RABGAP1: variants seen among roughly 807,000 people sequenced by gnomAD.
The protein encoded by RABGAP1 is RAB GTPase activating protein 1, also known as rab GTPase-activating protein 1.
In RABGAP1, 23 loss-of-function variants were observed where a neutral mutation model predicts 137.6. That is an observed-to-expected ratio of 0.17 (90% CI 0.12 to 0.24). The LOEUF (loss-of-function observed/expected upper bound fraction) is 0.24, where lower values mean the gene tolerates loss of function less well. Among genes scored for constraint, RABGAP1 ranks in the 10% least tolerant of loss-of-function variants. RABGAP1 has a pLI of 1.00. For synonymous variants in RABGAP1, 451 were observed against 450.7 expected, an observed-to-expected ratio of 1.00 and a Z score of -0.01; for missense variants, 906 against 1,275.8, an observed-to-expected ratio of 0.71 and a Z score of 4.42.
intron 1 of RABGAP1, among the ~76,000 whole-genome samples, chr9:122,954,949 A>G (rs1466453585): frequency 1.3e-5 from 2 of 152,236 alleles, no homozygotes; most frequent in Admixed American, 6.5e-5. Context: ...ATTAAATTAT[A>G]AAACAACATA....
At chr9:123,036,142 C>A (rs2132001092) in intron 13 of RABGAP1, among the ~76,000 whole-genome samples, 1 of 152,312 alleles carries the variant, frequency 6.6e-6, no homozygotes, top group African/African-American at 2.4e-5. Context: ...TCAACACTGT[C>A]ATTTAGAAAG....
At chr9:122,961,002 A>T (rs983228819) in intron 2 of RABGAP1, among the ~76,000 whole-genome samples, 2 of 152,152 alleles carry the variant, frequency 1.3e-5, no homozygotes, top group Admixed American at 6.5e-5. Context: ...ACAATGTAGA[A>T]AAAAACAGGC....
At chr9:123,089,665 C>T in intron 19 of RABGAP1, 93 bp from the exon 20 acceptor site, 1 of 940,644 alleles carries the variant, frequency 1.1e-6, no homozygotes, top group Non-Finnish European at 1.6e-6. Context: ...CTGAGATTGC[C>T]CAGGCCACCA....
intron 13 of RABGAP1, among the ~76,000 whole-genome samples, chr9:123,028,994 TAGAA>T (rs2032145742): frequency 6.6e-6 from 1 of 152,230 alleles, no homozygotes; most frequent in Admixed American, 6.5e-5. Flanking sequence ...TTATCAGGCT[TAGAA>T]AGATCACTCT....
At chr9:122,967,034 A>G (rs1835196031) in intron 2 of RABGAP1, among the ~76,000 whole-genome samples, 1 of 152,120 alleles carries the variant, frequency 6.6e-6, no homozygotes, top group Non-Finnish European at 1.5e-5. Context: ...TACAATTCAA[A>G]ATGAGATTTG....
chr9:123,019,030 G>A (rs927909580), intron 12 of RABGAP1, among the ~76,000 whole-genome samples: 2 of 152,246 alleles, frequency 1.3e-5, no homozygotes, highest in East Asian at 1.9e-4. Context: ...AAAACTAGAG[G>A]TACTACCATC....
intron 12 of RABGAP1, among the ~76,000 whole-genome samples, chr9:123,018,916 A>G (rs1049071553): frequency 7.2e-5 from 11 of 152,220 alleles, no homozygotes; most frequent in Non-Finnish European, 1.5e-4. Context: ...GTGGCTCTCA[A>G]GTCACAAACC....
chr9:123,023,050 A>G (rs2031743169), intron 13 of RABGAP1, among the ~76,000 whole-genome samples: 1 of 152,202 alleles, frequency 6.6e-6, no homozygotes, highest in Admixed American at 6.5e-5. Context: ...GGTGACCACT[A>G]TCAAGAGCAA....
At chr9:123,018,481 A>G (rs1270474573) in intron 12 of RABGAP1, among the ~76,000 whole-genome samples, 2 of 152,358 alleles carry the variant, frequency 1.3e-5, no homozygotes, top group Non-Finnish European at 2.9e-5. Flanking sequence ...TGCAGAAGCT[A>G]TCATACACAA....
chr9:123,035,444 C>G (rs1588307992), intron 13 of RABGAP1: 1 of 1,614,164 alleles, frequency 6.2e-7, no homozygotes, highest in East Asian at 2.2e-5. Context: ...ACCTGGCTTG[C>G]TATTAGTAAC....
chr9:123,047,374 C>T (rs2033252419), intron 13 of RABGAP1, among the ~76,000 whole-genome samples: 1 of 152,084 alleles, frequency 6.6e-6, no homozygotes, highest in Non-Finnish European at 1.5e-5. Flanking sequence ...CATAAGTTGT[C>T]TAGTAACTTT....
At chr9:123,054,019 A>T (rs986937925) in intron 13 of RABGAP1, among the ~76,000 whole-genome samples, 3 of 152,242 alleles carry the variant, frequency 2.0e-5, no homozygotes, top group South Asian at 4.1e-4. Flanking sequence ...AGAATGTGGT[A>T]CCACTGTGGT....
intron 10 of RABGAP1, among the ~76,000 whole-genome samples, chr9:122,999,099 G>C (rs1408159552): frequency 6.6e-6 from 1 of 151,976 alleles, no homozygotes; most frequent in Non-Finnish European, 1.5e-5. Flanking sequence ...ATTTTCACTG[G>C]ATAGGATTCT....
At chr9:123,048,593 T>G (rs998951164) in intron 13 of RABGAP1, among the ~76,000 whole-genome samples, 5 of 152,232 alleles carry the variant, frequency 3.3e-5, no homozygotes, top group Non-Finnish European at 4.4e-5. Context: ...GCAGTTTACT[T>G]GGTAATAATA....
At position 123,099,447 on chromosome 9, in the gene RABGAP1, A is replaced by G. The variant is rs1024809799; in HGVS notation, c.2818-31A>G. On this transcript the variant is annotated intron_variant, in intron 23 of 25. Coordinates refer to ENST00000373647, the MANE Select transcript of RABGAP1 (RefSeq NM_012197.4). ...TTATGCAGATGATTACAATTGCTCA[A>G]GAGATTGTTGTTTTATATTTGTTTC... The G allele has an allele frequency of 9.6e-6, 15 of 1,564,092 alleles. No individual in the cohort carries two copies. The African/African-American group carries it at 1.9e-4, about 20-fold the overall frequency.
chr9:122,962,457 G>GAGACC (rs1020302660), intron 2 of RABGAP1, among the ~76,000 whole-genome samples: 1 of 151,850 alleles, frequency 6.6e-6, no homozygotes, highest in African/African-American at 2.4e-5. Flanking sequence ...GGAGGTTGAT[G>GAGACC]GTCTGGTGAG....
At chr9:123,031,614 T>C (rs1277216391) in intron 13 of RABGAP1, among the ~76,000 whole-genome samples, 2 of 152,306 alleles carry the variant, frequency 1.3e-5, no homozygotes, top group East Asian at 3.9e-4. Context: ...TGAGAACTAT[T>C]GTGGAAATAC....
Position 123,099,568 on chromosome 9 carries a change from T to TAAAA in RABGAP1, c.2889+20_2889+23dup, listed in dbSNP as rs771075022. 1.3e-6 allele frequency: 2 copies of TAAAA among 1,573,828 alleles called. No homozygotes were observed. The highest frequency in any genetic ancestry group is 1.7e-6 in the Non-Finnish European group (2 of 1,143,774). On this transcript the variant is annotated intron_variant, in intron 24 of 25. Coordinates refer to ENST00000373647, the MANE Select transcript of RABGAP1 (RefSeq NM_012197.4). The stretch of plus-strand genomic sequence containing the variant: ...AATTCGGGTAAGACTTCTCTTTACC[T>TAAAA]AAAAGATTTTATACCACCTACTTCA...
intron 2 of RABGAP1, among the ~76,000 whole-genome samples, chr9:122,972,994 A>T (rs1022288632): frequency 3.7e-4 from 51 of 137,814 alleles, no homozygotes; most frequent in African/African-American, 1.2e-3. Context: ...AAAAAAATAC[A>T]TAGAGGTATA....
Sources: allele counts gnomAD v4.1 joint callset (sites outside exome capture counted in the v4.1 genomes callset), GRCh38; gene constraint gnomAD v4.1.1; transcripts MANE v1.5; gene names NCBI Gene and HGNC (gene_info 2026-07-23, HGNC 2026-07-21).